The following TUSC3 variants were observed in gnomAD, a reference collection of about 807,000 sequenced individuals.
TUSC3 encodes dolichyl-diphosphooligosaccharide--protein glycosyltransferase subunit TUSC3.
TUSC3 carries 45 observed loss-of-function variants against 44.8 expected under a neutral mutation model. The ratio of observed to expected loss-of-function variants is 1.00; its 90% confidence interval spans 0.79 to 1.29. TUSC3 has a LOEUF of 1.29. TUSC3 is among the 50% of genes most tolerant of loss of function. The pLI, the probability that TUSC3 is intolerant of heterozygous loss-of-function variation, is 0.00. For missense variants in TUSC3, 519 were observed against 437.9 expected (o/e 1.19, Z -1.65); for synonymous variants, 212 against 152.9 (o/e 1.39, Z -2.85).
At chr8:15,541,979 T>G (rs781615314) in intron 1 of TUSC3, among the ~76,000 whole-genome samples, 5 of 149,562 alleles carry the variant, frequency 3.3e-5, no homozygotes, top group Middle Eastern at 3.5e-3. Flanking sequence ...CCCCAAAGTA[T>G]TTTAAGACTG....
the TUSC3 span, among the ~76,000 whole-genome samples, chr8:15,789,568 C>T: frequency 6.6e-6 from 1 of 152,106 alleles, no homozygotes; most frequent in African/African-American, 2.4e-5. Context: ...ACATTCAAAT[C>T]ATTCTAACAA....
chr8:15,568,665 T>A (rs1415332756), intron 1 of TUSC3, among the ~76,000 whole-genome samples: 1 of 151,748 alleles, frequency 6.6e-6, no homozygotes, highest in African/African-American at 2.4e-5. Context: ...TGCAGTGGTA[T>A]AATCTTAGCG....
At chr8:15,787,777 C>G in the TUSC3 span, among the ~76,000 whole-genome samples, 1 of 152,144 alleles carries the variant, frequency 6.6e-6, no homozygotes, top group African/African-American at 2.4e-5. Flanking sequence ...ACAATATAAC[C>G]TGCTTCCCAG....
intron 3 of TUSC3, among the ~76,000 whole-genome samples, chr8:15,651,694 G>C (rs550317669): frequency 1.6e-4 from 25 of 152,308 alleles, no homozygotes; most frequent in African/African-American, 5.8e-4. Flanking sequence ...TGAGTCTTCA[G>C]AACTGTGAAA....
intron 2 of TUSC3, among the ~76,000 whole-genome samples, chr8:15,515,177 T>C (rs1801200700): frequency 6.6e-6 from 1 of 152,166 alleles, no homozygotes; most frequent in African/African-American, 2.4e-5. Flanking sequence ...TTCAAGATTG[T>C]TTTGGCTACT....
At chr8:15,507,062 A>G (rs1801061341) in intron 2 of TUSC3, among the ~76,000 whole-genome samples, 1 of 152,222 alleles carries the variant, frequency 6.6e-6, no homozygotes, top group African/African-American at 2.4e-5. Context: ...CCATGTATAC[A>G]TATGAAATAA....
chr8:15,593,461 G>A (rs1214833289), intron 1 of TUSC3, among the ~76,000 whole-genome samples: 1 of 152,000 alleles, frequency 6.6e-6, no homozygotes, highest in Non-Finnish European at 1.5e-5. Context: ...CATGATTAGA[G>A]CATTATTATA....
intron 6 of TUSC3, among the ~76,000 whole-genome samples, chr8:15,722,046 C>T (rs1810322611): frequency 6.6e-6 from 1 of 152,014 alleles, no homozygotes; most frequent in Admixed American, 6.6e-5. Flanking sequence ...AAAGTGTTTG[C>T]TGAAACACAA....
At chr8:15,795,191 C>T in the TUSC3 span, among the ~76,000 whole-genome samples, 2,558 of 152,264 alleles carry the variant, frequency 0.017, 61 homozygotes, top group African/African-American at 0.058. Flanking sequence ...CATAAACCAT[C>T]AGTTTCTGTA....
the TUSC3 span, among the ~76,000 whole-genome samples, chr8:15,835,957 T>C: frequency 6.6e-6 from 1 of 152,158 alleles, no homozygotes; most frequent in Non-Finnish European, 1.5e-5. Flanking sequence ...ATTTAGTGTA[T>C]GTAAGTTCCA....
chr8:15,666,174 C>G (rs1489986756), intron 5 of TUSC3, among the ~76,000 whole-genome samples: 1 of 151,242 alleles, frequency 6.6e-6, no homozygotes, highest in Non-Finnish European at 1.5e-5. Flanking sequence ...TTCATGGCAA[C>G]CTAAAGGTCC....
intron 7 of TUSC3, among the ~76,000 whole-genome samples, chr8:15,737,849 C>T (rs989047120): frequency 6.6e-6 from 1 of 152,104 alleles, no homozygotes; most frequent in African/African-American, 2.4e-5. Flanking sequence ...CTAGCTTCTT[C>T]CTGCATATAA....
chr8:15,587,325 A>G (rs1045991469), intron 1 of TUSC3, among the ~76,000 whole-genome samples: 9 of 152,130 alleles, frequency 5.9e-5, no homozygotes, highest in African/African-American at 1.9e-4. Context: ...CCAGAAATGT[A>G]CCTTTTGCAC....
chr8:15,621,124 T>C (rs975020020), intron 1 of TUSC3, among the ~76,000 whole-genome samples: 5 of 152,060 alleles, frequency 3.3e-5, no homozygotes, highest in Admixed American at 1.3e-4. Context: ...TGATTTCCAC[T>C]CTTTCCATAG....
chr8:15,435,249 C>G (rs28474921), intron 1 of TUSC3, among the ~76,000 whole-genome samples: 1 of 151,790 alleles, frequency 6.6e-6, no homozygotes, highest in Non-Finnish European at 1.5e-5. Context: ...GAGATGGTAT[C>G]TCATTGTGGT....
chr8:15,510,312 G>T (rs1375618567), intron 2 of TUSC3, among the ~76,000 whole-genome samples: 1 of 152,086 alleles, frequency 6.6e-6, no homozygotes, highest in Non-Finnish European at 1.5e-5. Context: ...CCAGAAGCTG[G>T]TTCTTTATGA....
intron 1 of TUSC3, among the ~76,000 whole-genome samples, chr8:15,438,795 G>A (rs560296316): frequency 4.6e-5 from 7 of 152,250 alleles, no homozygotes; most frequent in African/African-American, 1.7e-4. Flanking sequence ...ACAATCCTAG[G>A]AGCTAGGCAG....
At chr8:15,788,633 C>T in the TUSC3 span, among the ~76,000 whole-genome samples, 1 of 151,916 alleles carries the variant, frequency 6.6e-6, no homozygotes, top group African/African-American at 2.4e-5. Flanking sequence ...GACTGCCTAC[C>T]CCGGGGCTGA....
chr8:15,433,267 C>G (rs886453310), intron 1 of TUSC3, among the ~76,000 whole-genome samples: 2 of 152,058 alleles, frequency 1.3e-5, no homozygotes, highest in African/African-American at 4.8e-5. Flanking sequence ...ACATAGTTCA[C>G]GTGTAGACTG....
Sources: gnomAD v4.1 joint callset for allele counts (sites outside exome capture counted in the v4.1 genomes callset) on GRCh38, gnomAD v4.1.1 for gene constraint, MANE v1.5 for transcripts, NCBI Gene and HGNC (gene_info 2026-07-23, HGNC 2026-07-21) for gene names.